RBFOX1: variants seen among roughly 807,000 people sequenced by gnomAD.
RBFOX1 encodes the protein RNA binding fox-1 homolog 1.
A neutral mutation model predicts 57.7 loss-of-function variants in RBFOX1; 8 were observed. That is an observed-to-expected ratio of 0.14 (90% CI 0.08 to 0.25). The LOEUF (loss-of-function observed/expected upper bound fraction) is 0.25. Ranked by LOEUF, RBFOX1 falls within the 10% of genes least tolerant of loss-of-function variation. The pLI, the probability that RBFOX1 is intolerant of heterozygous loss-of-function variation, is 1.00. For synonymous variants in RBFOX1, 326 were observed against 222.4 expected, an observed-to-expected ratio of 1.47 and a Z score of -4.15; for missense variants, 611 against 548.5, an observed-to-expected ratio of 1.11 and a Z score of -1.14.
chr16:6,780,350 C>G (rs1313617933), intron 3 of RBFOX1, among the ~76,000 whole-genome samples: 2 of 82,990 alleles, frequency 2.4e-5, no homozygotes, highest in South Asian at 4.3e-4. Flanking sequence ...TATTTATATA[C>G]ATATTTATAT....
intron 1 of RBFOX1, among the ~76,000 whole-genome samples, chr16:5,337,902 G>C (rs1253280447): frequency 6.6e-6 from 1 of 152,040 alleles, no homozygotes; most frequent in African/African-American, 2.4e-5. Flanking sequence ...AAATTAGCTG[G>C]ACATGGTGGT....
At chr16:7,456,568 C>T (rs1334497030) in intron 4 of RBFOX1, among the ~76,000 whole-genome samples, 1 of 152,166 alleles carries the variant, frequency 6.6e-6, no homozygotes, top group East Asian at 1.9e-4. Context: ...TTGGTCTCAG[C>T]AGTCATTTCA....
At chr16:5,966,259 T>TAC (rs2059841476) in intron 4 of RBFOX1, among the ~76,000 whole-genome samples, 1 of 152,090 alleles carries the variant, frequency 6.6e-6, no homozygotes, top group Admixed American at 6.6e-5. Flanking sequence ...TGTAAAGAAA[T>TAC]ACCTGAGACT....
intron 3 of RBFOX1, among the ~76,000 whole-genome samples, chr16:6,969,605 A>C (rs1355638476): frequency 6.6e-6 from 1 of 152,028 alleles, no homozygotes; most frequent in African/African-American, 2.4e-5. Flanking sequence ...TTAGTTGGGC[A>C]TTATGGTGCA....
chr16:6,340,673 G>T (rs1356173847), intron 2 of RBFOX1, among the ~76,000 whole-genome samples: 1 of 152,130 alleles, frequency 6.6e-6, no homozygotes, highest in Admixed American at 6.5e-5. Context: ...TGGTATTGGT[G>T]GATCTTGGCT....
At chr16:6,829,930 T>G (rs570063597) in intron 3 of RBFOX1, among the ~76,000 whole-genome samples, 1 of 151,194 alleles carries the variant, frequency 6.6e-6, no homozygotes, top group Admixed American at 6.6e-5. Flanking sequence ...TTTTTTATTT[T>G]TTTGAGATGG....
At chr16:7,112,679 G>GTGTGT (rs369771164) in intron 4 of RBFOX1, among the ~76,000 whole-genome samples, 43,694 of 141,886 alleles carry the variant, frequency 0.31, 7,228 homozygotes, top group East Asian at 0.47. Flanking sequence ...TGTGTGTGTG[G>GTGTGT]GTGTGGGTGT....
intron 2 of RBFOX1, among the ~76,000 whole-genome samples, chr16:5,550,044 C>T (rs754793863): frequency 2.6e-5 from 4 of 152,158 alleles, no homozygotes; most frequent in Non-Finnish European, 4.4e-5. Context: ...TACTGTTTCT[C>T]GCAGATGAAA....
chr16:7,655,034 G>A (rs2065962714), intron 12 of RBFOX1, among the ~76,000 whole-genome samples: 1 of 152,176 alleles, frequency 6.6e-6, no homozygotes, highest in African/African-American at 2.4e-5. Flanking sequence ...AAATATGGCT[G>A]CATTTAAGAC....
intron 1 of RBFOX1, among the ~76,000 whole-genome samples, chr16:6,142,145 C>G (rs558907044): frequency 4.3e-4 from 51 of 118,574 alleles, no homozygotes; most frequent in South Asian, 2.3e-3. Flanking sequence ...AAAAAATCAG[C>G]TTTTCTATAT....
intron 1 of RBFOX1, among the ~76,000 whole-genome samples, chr16:6,148,309 G>A (rs183720750): frequency 6.6e-5 from 10 of 152,278 alleles, no homozygotes; most frequent in Non-Finnish European, 1.3e-4. Context: ...CCTGGGCGAC[G>A]GAGTGAGACT....
intron 2 of RBFOX1, among the ~76,000 whole-genome samples, chr16:6,506,688 C>G (rs551103306): frequency 7.4e-4 from 85 of 115,312 alleles, no homozygotes; most frequent in African/African-American, 2.4e-3. Flanking sequence ...CGCTTTGTCT[C>G]CCAGGCTGGA....
At chr16:6,373,386 A>G (rs2090753477) in intron 2 of RBFOX1, among the ~76,000 whole-genome samples, 1 of 148,952 alleles carries the variant, frequency 6.7e-6, no homozygotes. Flanking sequence ...GTTTTTTAGG[A>G]TCACTGGGTA....
At chr16:6,600,997 T>G (rs987860756) in intron 2 of RBFOX1, among the ~76,000 whole-genome samples, 10 of 152,174 alleles carry the variant, frequency 6.6e-5, no homozygotes, top group African/African-American at 2.4e-4. Context: ...GAGCTGCAGT[T>G]ACTCCCTGAG....
intron 4 of RBFOX1, among the ~76,000 whole-genome samples, chr16:7,501,080 C>A (rs1183167975): frequency 6.6e-6 from 1 of 152,148 alleles, no homozygotes; most frequent in African/African-American, 2.4e-5. Context: ...GTGAGTCAAC[C>A]TCTTTCCTTT....
intron 3 of RBFOX1, among the ~76,000 whole-genome samples, chr16:5,680,171 A>G (rs535834026): frequency 1.1e-4 from 17 of 152,298 alleles, no homozygotes; most frequent in Admixed American, 3.3e-4. Flanking sequence ...ACAAAAACAC[A>G]TGAGCTGTGC....
At chr16:7,441,165 C>T (rs764524912) in intron 4 of RBFOX1, among the ~76,000 whole-genome samples, 1 of 152,190 alleles carries the variant, frequency 6.6e-6, no homozygotes, top group Non-Finnish European at 1.5e-5. Flanking sequence ...TCCTGCTCAC[C>T]ATTGGCCCAG....
chr16:7,507,267 T>A (rs1434266908), intron 4 of RBFOX1, among the ~76,000 whole-genome samples: 1 of 152,188 alleles, frequency 6.6e-6, no homozygotes, highest in Non-Finnish European at 1.5e-5. Flanking sequence ...CTGAACCCAT[T>A]CCTCCACATA....
chr16:7,456,824 G>T (rs78064940), intron 4 of RBFOX1, among the ~76,000 whole-genome samples: 1,540 of 152,210 alleles, frequency 0.01, 5 homozygotes, highest in Middle Eastern at 0.027. Context: ...CTGAGCCCTG[G>T]AGCAGGGCTG....
Sources: gnomAD v4.1 joint callset for allele counts (sites outside exome capture counted in the v4.1 genomes callset) on GRCh38, gnomAD v4.1.1 for gene constraint, MANE v1.5 for transcripts, NCBI Gene and HGNC (gene_info 2026-07-23, HGNC 2026-07-21) for gene names.